DPYSL5: variants seen among roughly 807,000 people sequenced by gnomAD.
DPYSL5 encodes the protein dihydropyrimidinase like 5, also known as dihydropyrimidinase-related protein 5.
DPYSL5 carries 9 observed loss-of-function variants against 58.4 expected under a neutral mutation model. The ratio of observed to expected loss-of-function variants is 0.15; its 90% CI spans 0.09 to 0.27. DPYSL5 has a LOEUF of 0.27. Ranked by LOEUF, DPYSL5 falls within the 10% of genes least tolerant of loss-of-function variation. The pLI, the probability that DPYSL5 is intolerant of heterozygous loss-of-function variation, is 1.00. For synonymous variants in DPYSL5, 293 were observed against 301.9 expected (o/e 0.97, Z 0.31); for missense variants, 499 against 770.6 (o/e 0.65, Z 4.17).
chr2:26,870,708 CAAAA>C (rs576919628), intron 1 of DPYSL5, among the ~76,000 whole-genome samples: 4 of 80,400 alleles, frequency 5.0e-5, no homozygotes, highest in African/African-American at 4.4e-5. Context: ...GACTCTGTCT[CAAAA>C]AAAAAAAAAA....
Position 26,898,777 on chromosome 2 carries a change from C to T in DPYSL5, c.261+17C>T. 1 of 1,588,646 alleles carries T rather than the reference C, an allele frequency of 6.3e-7. No homozygotes were observed. The highest frequency in any genetic ancestry group is 1.1e-5 in the South Asian group (1 of 87,930). ...GGGACCAAGGTAATGCTCCTGTTTG[C>T]CAAAGGTGGCTTCCTCTTTGGCTTT... On this transcript the variant is annotated intron_variant, in intron 2 of 12. Coordinates refer to ENST00000288699, the MANE Select transcript of DPYSL5 (RefSeq NM_020134.4). The surrounding 1 kb of genome is among the most constrained non-coding windows in gnomAD (Gnocchi z 6.1).
At chr2:26,884,797 T>C (rs564219572) in intron 1 of DPYSL5, among the ~76,000 whole-genome samples, 1 of 152,302 alleles carries the variant, frequency 6.6e-6, no homozygotes, top group East Asian at 1.9e-4. Flanking sequence ...TGTTAAGAAA[T>C]CATCCCTGTG....
intron 1 of DPYSL5, among the ~76,000 whole-genome samples, chr2:26,881,273 C>A (rs1663555035): frequency 6.6e-6 from 1 of 152,194 alleles, no homozygotes; most frequent in African/African-American, 2.4e-5. Flanking sequence ...TGCGATCAGC[C>A]TAGTGGTATC....
chr2:26,850,122 T>C (rs1444570499), intron 1 of DPYSL5, among the ~76,000 whole-genome samples: 1 of 152,112 alleles, frequency 6.6e-6, no homozygotes, highest in African/African-American at 2.4e-5. Flanking sequence ...TGTGGTCAAA[T>C]TGCGGAGAAG....
chr2:26,854,594 T>A (rs1382785899), intron 1 of DPYSL5, among the ~76,000 whole-genome samples: 2 of 152,214 alleles, frequency 1.3e-5, no homozygotes, highest in African/African-American at 2.4e-5. Context: ...AATTTAGCAA[T>A]AGGCTATCCC....
chr2:26,931,681 C>G lies in DPYSL5; in HGVS notation c.711C>G (p.Asn237Lys), dbSNP rs756667382. ...CTCATCGTGTTATCACCATTGCAAA[C>G]AGGGTAAGTCCCCCGATGTCCACTG... is the stretch of plus-strand genomic sequence containing the variant. ...EATHRVITIA[N>K]RTHCPIYLVN... The change falls in exon 6 of 13, where the codon AAC becomes AAG. Residue 237 changes from asparagine (N) to lysine (K), a missense_variant. Around this residue, in one of 3 missense-constraint regions of DPYSL5, gnomAD observed 404 missense variants for 647.6 expected, o/e 0.62. Coordinates refer to ENST00000288699, the MANE Select transcript of DPYSL5 (RefSeq NM_020134.4). 1.1e-5 allele frequency: 18 copies of G among 1,613,862 alleles called. No homozygotes were observed. Among genetic ancestry groups the G allele is most frequent in the Admixed American group, 1.7e-5 (1 of 60,002 alleles).
At chr2:26,907,201 G>A (rs827887) in intron 2 of DPYSL5, among the ~76,000 whole-genome samples, 2 of 151,870 alleles carry the variant, frequency 1.3e-5, no homozygotes, top group African/African-American at 2.4e-5. Flanking sequence ...TGCAACCTCC[G>A]CCTCCTGGGT....
In DPYSL5 at chr2:26,944,018, A is replaced by G. The variant is rs541563239; in HGVS notation, c.1441-638A>G. On this transcript the variant is annotated intron_variant, in intron 11 of 12. Coordinates refer to ENST00000288699, the MANE Select transcript of DPYSL5 (RefSeq NM_020134.4). This position sits in a 1 kb window ranked among gnomAD's most constrained non-coding sequence, Gnocchi z 4.4. Reference sequence around the variant, plus strand: ...CTCTAAAATTGACTTCCGGTTGGGCATGGTGGCTCACGCCTGTAATCCCGG... The same window carrying G: ...CTCTAAAATTGACTTCCGGTTGGGCGTGGTGGCTCACGCCTGTAATCCCGG... 1.3e-5 allele frequency among the ~76,000 whole-genome samples: 2 copies of G among 152,258 alleles called. No individual in the cohort carries two copies. The highest frequency in any genetic ancestry group is 4.1e-4 in the South Asian group (2 of 4,824).
At chr2:26,866,494 A>C (rs556618495) in intron 1 of DPYSL5, among the ~76,000 whole-genome samples, 5 of 152,058 alleles carry the variant, frequency 3.3e-5, no homozygotes, top group African/African-American at 1.2e-4. Flanking sequence ...ACACACACAC[A>C]CAATGTTCAT....
intron 8 of DPYSL5, chr2:26,939,684 G>C (rs1665267775): frequency 4.7e-6 from 1 of 211,492 alleles, no homozygotes; most frequent in Admixed American, 5.3e-5. Flanking sequence ...AGAGGGAATT[G>C]GTATACAATT....
At chr2:26,896,190 T>A (rs1277333208) in intron 1 of DPYSL5, among the ~76,000 whole-genome samples, 1 of 152,234 alleles carries the variant, frequency 6.6e-6, no homozygotes. Flanking sequence ...GTTCTCCAGA[T>A]TTATCCAAGT....
chr2:26,855,786 C>T (rs754511314), intron 1 of DPYSL5, among the ~76,000 whole-genome samples: 2 of 152,132 alleles, frequency 1.3e-5, no homozygotes, highest in African/African-American at 4.8e-5. Flanking sequence ...CCTGTCCCTC[C>T]CTTTGTCCTT....
At chr2:26,894,520 A>C (rs1037392475) in intron 1 of DPYSL5, among the ~76,000 whole-genome samples, 1 of 152,198 alleles carries the variant, frequency 6.6e-6, no homozygotes, top group African/African-American at 2.4e-5. Context: ...CAAGCAAGCC[A>C]TGTAAATTGA....
intron 2 of DPYSL5, among the ~76,000 whole-genome samples, chr2:26,923,218 C>T (rs1180201671): frequency 6.6e-6 from 1 of 152,184 alleles, no homozygotes; most frequent in African/African-American, 2.4e-5. Flanking sequence ...GCAGTCCCAG[C>T]ACTTTGCGAG....
At chr2:26,892,161 A>G (rs1028059628) in intron 1 of DPYSL5, among the ~76,000 whole-genome samples, 5 of 152,188 alleles carry the variant, frequency 3.3e-5, no homozygotes, top group African/African-American at 1.2e-4. Flanking sequence ...GATTTTTATG[A>G]CCTTTAATGG....
At chr2:26,885,803 G>C (rs1274481409) in intron 1 of DPYSL5, among the ~76,000 whole-genome samples, 1 of 152,188 alleles carries the variant, frequency 6.6e-6, no homozygotes, top group African/African-American at 2.4e-5. Flanking sequence ...CTGCCCTTCT[G>C]CTCTCCTCAG....
At chr2:26,891,264 G>A (rs1663873601) in intron 1 of DPYSL5, among the ~76,000 whole-genome samples, 1 of 152,208 alleles carries the variant, frequency 6.6e-6, no homozygotes, top group Admixed American at 6.5e-5. Context: ...TCAGTGTCTA[G>A]TAATTATTAG....
chr2:26,906,633 G>A (rs191459937), intron 2 of DPYSL5, among the ~76,000 whole-genome samples: 1 of 152,266 alleles, frequency 6.6e-6, no homozygotes, highest in East Asian at 1.9e-4. Context: ...AGGGGTGTGG[G>A]CCACTGGGAG....
At chr2:26,850,784 C>A (rs918496554) in intron 1 of DPYSL5, among the ~76,000 whole-genome samples, 1 of 152,134 alleles carries the variant, frequency 6.6e-6, no homozygotes, top group Admixed American at 6.5e-5. Flanking sequence ...GGCCTCTTGT[C>A]TGAGTGTCCT....
Sources: gnomAD v4.1 joint callset for allele counts (sites outside exome capture counted in the v4.1 genomes callset) on GRCh38, gnomAD v4.1.1 for gene constraint, gnomAD v4.1.1 regional missense constraint, Gnocchi (gnomAD v3.1) non-coding constraint, MANE v1.5 for transcripts, NCBI Gene and HGNC (gene_info 2026-07-23, HGNC 2026-07-21) for gene names.